Variants in TPD52L2 observed in about 807,000 individuals in gnomAD.
TPD52L2 encodes TPD52 like 2.
In TPD52L2, 19 loss-of-function variants were observed where a neutral mutation model predicts 24.7. That is an observed-to-expected ratio of 0.77 (90% CI 0.54 to 1.13). The LOEUF (loss-of-function observed/expected upper bound fraction) is 1.13. TPD52L2 is among the 50% of genes most tolerant of loss of function. The probability of loss-of-function intolerance (pLI) is 0.00; values close to 1 mark genes in which losing one functional copy is unlikely to be tolerated. For synonymous variants in TPD52L2, 104 were observed against 100.2 expected (o/e 1.04, Z -0.23); for missense variants, 236 against 250.4 (o/e 0.94, Z 0.39).
At chr20:63,886,459 CA>C (rs1411322905) in intron 5 of TPD52L2, among the ~76,000 whole-genome samples, 4,342 of 151,886 alleles carry the variant, frequency 0.029, 221 homozygotes, top group African/African-American at 0.099. Flanking sequence ...CTCCCGGGTT[CA>C]CGCCATTCTC....
intron 3 of TPD52L2, among the ~76,000 whole-genome samples, chr20:63,875,152 A>AAAAAT (rs1555873183): frequency 5.4e-4 from 77 of 141,746 alleles, no homozygotes; most frequent in East Asian, 4.9e-3. Context: ...AAAAAAAAAA[A>AAAAAT]ATATATATAT....
chr20:63,878,813 G>A (rs967922001), intron 4 of TPD52L2, among the ~76,000 whole-genome samples: 1 of 152,232 alleles, frequency 6.6e-6, no homozygotes, highest in Non-Finnish European at 1.5e-5. Flanking sequence ...TCCCAAATGG[G>A]TGCTGGCTGG....
chr20:63,887,475 C>T, intron 5 of TPD52L2: 1 of 1,409,126 alleles, frequency 7.1e-7, no homozygotes, highest in Non-Finnish European at 1.0e-6. Context: ...GGAATCCCAG[C>T]TCTGCCCATC....
rs979828196 is a variant in TPD52L2 at position 63,890,874 on chromosome 20, A to G, written c.*929A>G. 2.6e-4 allele frequency: 40 copies of G among 152,416 alleles called. No homozygotes were observed. The highest frequency in any genetic ancestry group is 9.4e-4 in the African/African-American group (39 of 41,468). 9.4% of individuals were successfully genotyped at this position (152,416 alleles called of 1,614,324 possible). On this transcript the variant is annotated 3_prime_UTR_variant, in exon 7 of 7. Transcript: ENST00000346249. ...TGAGCCTCTGGGAATGGGAGGGGCC[A>G]AGAGAAGGAAAACCCTGTCTTTAGC...
intron 5 of TPD52L2, chr20:63,887,403 G>T (rs1013811499): frequency 6.0e-5 from 51 of 846,460 alleles, no homozygotes; most frequent in Non-Finnish European, 9.3e-5. Context: ...CCCTGGGGTC[G>T]AGTTTCCTTC....
chr20:63,881,940 C>T (rs1047883463), intron 4 of TPD52L2, among the ~76,000 whole-genome samples: 2 of 152,254 alleles, frequency 1.3e-5, no homozygotes, highest in African/African-American at 2.4e-5. Flanking sequence ...TTTGCCTGTC[C>T]TGCAGACGCC....
intron 5 of TPD52L2, chr20:63,887,552 G>A (rs1374170162): frequency 1.9e-6 from 3 of 1,613,242 alleles, no homozygotes; most frequent in Middle Eastern, 1.6e-4. Context: ...CTTCTGCCAT[G>A]CTTCCAAGCA....
intron 4 of TPD52L2, chr20:63,876,830 G>A (rs1016763680): frequency 6.6e-6 from 3 of 455,650 alleles, no homozygotes; most frequent in East Asian, 1.4e-4. Flanking sequence ...CCAGGGACCC[G>A]GGTGGTTCGT....
intron 4 of TPD52L2, among the ~76,000 whole-genome samples, chr20:63,880,911 T>A (rs2052870762): frequency 6.6e-6 from 1 of 151,952 alleles, no homozygotes. Flanking sequence ...AAAAAAGAAT[T>A]TGTGTTTTTG....
chr20:63,874,633 T>G (rs2146200932), intron 3 of TPD52L2, among the ~76,000 whole-genome samples: 1 of 152,252 alleles, frequency 6.6e-6, no homozygotes, highest in East Asian at 1.9e-4. Flanking sequence ...TTTGGCCTCC[T>G]AAAATGCTTG....
intron 3 of TPD52L2, among the ~76,000 whole-genome samples, chr20:63,875,545 T>C (rs1054558079): frequency 6.6e-6 from 1 of 152,244 alleles, no homozygotes; most frequent in African/African-American, 2.4e-5. Context: ...ACAGCAGTGC[T>C]GTTGCCCAAG....
chr20:63,880,845 G>C (rs1306781602), intron 4 of TPD52L2, among the ~76,000 whole-genome samples: 1 of 151,232 alleles, frequency 6.6e-6, no homozygotes, highest in Non-Finnish European at 1.5e-5. Flanking sequence ...GAGCCGAGAT[G>C]GTGCTGCTGC....
At chr20:63,867,231 G>C (rs887304221) in intron 1 of TPD52L2, among the ~76,000 whole-genome samples, 1 of 152,172 alleles carries the variant, frequency 6.6e-6, no homozygotes, top group African/African-American at 2.4e-5. Context: ...TGGGATTACA[G>C]GTGTGAGCCA....
At chr20:63,876,546 G>A (rs945048886) in intron 4 of TPD52L2, 9 of 355,020 alleles carry the variant, frequency 2.5e-5, no homozygotes, top group South Asian at 4.2e-5. Flanking sequence ...TGATTATAAC[G>A]TCTTTAAACT....
intron 5 of TPD52L2, among the ~76,000 whole-genome samples, chr20:63,886,391 T>G (rs4809242): frequency 3.3e-4 from 50 of 151,530 alleles, no homozygotes; most frequent in African/African-American, 9.7e-4. Context: ...GACGGAGTCT[T>G]GCTCTGTCGC....
chr20:63,889,704 G>C, intron 6 of TPD52L2, 146 bp from the exon 7 acceptor site: 1 of 727,722 alleles, frequency 1.4e-6, no homozygotes, highest in Non-Finnish European at 2.2e-6. Flanking sequence ...TGGGGCTGGT[G>C]CCCGTCCGTG....
chr20:63,873,104 A>C (rs939300885), intron 2 of TPD52L2, among the ~76,000 whole-genome samples: 1 of 151,906 alleles, frequency 6.6e-6, no homozygotes, highest in Non-Finnish European at 1.5e-5. Context: ...ATGACCACAA[A>C]TGGACATGGT....
chr20:63,881,165 C>T (rs917382448), intron 4 of TPD52L2, among the ~76,000 whole-genome samples: 1 of 152,120 alleles, frequency 6.6e-6, no homozygotes, highest in Non-Finnish European at 1.5e-5. Context: ...AGTTCAAGAC[C>T]AGCCTGGCCA....
At chr20:63,869,546 T>C (rs2052385138) in intron 2 of TPD52L2, 105 bp downstream of exon 2, 2 of 1,427,524 alleles carry the variant, frequency 1.4e-6, no homozygotes, top group Non-Finnish European at 1.9e-6. Flanking sequence ...TTGCCCTGGG[T>C]GGTCACCTAC....
Sources: gnomAD v4.1 joint callset for allele counts (sites outside exome capture counted in the v4.1 genomes callset) on GRCh38, gnomAD v4.1.1 for gene constraint, MANE v1.5 for transcripts, NCBI Gene and HGNC (gene_info 2026-07-23, HGNC 2026-07-21) for gene names.